PLXNB2: variants seen among roughly 807,000 people sequenced by gnomAD.
PLXNB2 encodes the protein plexin B2, also known as plexin-B2.
A neutral mutation model predicts 202.6 loss-of-function variants in PLXNB2; 85 were observed. The observed-to-expected ratio is 0.42, with a 90% CI of 0.35 to 0.50. The LOEUF (loss-of-function observed/expected upper bound fraction) is 0.50. Among genes scored for constraint, PLXNB2 ranks in the 20% least tolerant of loss-of-function variants. The pLI is 0.02. For missense variants in PLXNB2, 2,063 were observed against 2,586.2 expected, an observed-to-expected ratio of 0.80 and a Z score of 4.39; for synonymous variants, 1,239 against 1,137.6, an observed-to-expected ratio of 1.09 and a Z score of -1.79.
In PLXNB2 at chr22:50,305,985, T is replaced by TG. The variant is rs201118739; in HGVS notation, c.-74+1567dup. 7.9e-3 allele frequency among the ~76,000 whole-genome samples: 1,200 copies of TG among 152,294 alleles called. 12 individuals are homozygous for TG. The highest frequency in any genetic ancestry group is 0.02 in the Middle Eastern group (6 of 294). On this transcript the variant is annotated intron_variant, in intron 1 of 36. Coordinates refer to ENST00000359337, the MANE Select transcript of PLXNB2 (RefSeq NM_012401.4). ...CAGTCTGGGCAGCTGCAGTAGAAAG[T>TG]GGCAGAGCTGCCCGGACTTGCCCGT...
intron 33 of PLXNB2, 41 bp downstream of exon 33, chr22:50,277,550 C>A (rs1327915724): frequency 6.6e-7 from 1 of 1,526,056 alleles, no homozygotes; most frequent in African/African-American, 1.4e-5. Context: ...TGGGGACAGA[C>A]CCAGGCCTCC....
Position 50,302,430 on chromosome 22 carries a change from G to A in PLXNB2, c.-74+5123C>T, listed in dbSNP as rs921951791. Among the ~76,000 whole-genome samples the A allele has an allele frequency of 1.3e-4, 20 of 152,150 alleles. No individual in the cohort carries two copies. The East Asian group carries it at 2.7e-3, about 21-fold the overall frequency. ...CCAGGTCCAGCCCCTTGCTCCACGC[G>A]GAGGCTTGCTCTGCTCATGGTGGAG... On this transcript the variant is annotated intron_variant, in intron 1 of 36. Transcript: ENST00000359337.
In PLXNB2 at chr22:50,290,008, T is replaced by C. The variant is rs1248287051; in HGVS notation, c.577A>G (p.Ser193Gly). The part of the protein sequence containing the change: ...VSTRLLDRTD[S>G]REAFEAYTDH... ...GTGTAGGCTTCAAAGGCCTCCCTGC[T>C]GTCAGTCCGGTCCAACAGCCGAGTG... Residue 193 changes from serine to glycine, a missense_variant, in exon 3 of 37, where the codon AGC (serine) becomes GGC (glycine). Physicochemically the swap from Ser to Gly is moderately conservative, Grantham distance 56. This residue lies in a region of PLXNB2 where 1,303 missense variants were observed against 1,476.8 expected (regional missense o/e 0.88). Transcript: ENST00000359337. 5.0e-6 allele frequency: 8 copies of C among 1,613,294 alleles called. No individual in the cohort carries two copies. Among genetic ancestry groups the C allele is most frequent in the Non-Finnish European group, 6.8e-6 (8 of 1,180,022 alleles).
In PLXNB2 at chr22:50,284,657, G is replaced by A. The variant is rs751396183; in HGVS notation, c.2097C>T (p.Ser699=). 1 of 1,612,268 alleles carries A rather than the reference G, an allele frequency of 6.2e-7. No individual in the cohort carries two copies. Among genetic ancestry groups the A allele is most frequent in the African/African-American group, 1.3e-5 (1 of 74,816 alleles). Reference sequence around the variant, plus strand: ...TGAGCAAGTCACTGCCCACGTGCAGGGAGGAACCCTGCAGACCATGCCGTC... The same window carrying A: ...TGAGCAAGTCACTGCCCACGTGCAGAGAGGAACCCTGCAGACCATGCCGTC... The part of the protein sequence containing the change: ...GKNLDTVKGS[S]LHVGSDLLKF... The change falls in exon 12 of 37, where the codon TCC becomes TCT. Residue 699 remains serine, a synonymous_variant. Transcript: ENST00000359337. This position sits in a 1 kb window ranked among gnomAD's most constrained non-coding sequence, Gnocchi z 8.0.
chr22:50,276,167 T>C (rs921404536), intron 35 of PLXNB2, among the ~76,000 whole-genome samples: 1 of 151,488 alleles, frequency 6.6e-6, no homozygotes, highest in Non-Finnish European at 1.5e-5. Flanking sequence ...ACCATCTCAG[T>C]GTCTCCCTGT....
In PLXNB2 at chr22:50,283,302, C is replaced by T. The variant is rs756075585; in HGVS notation, c.2679+35G>A. On this transcript the variant is annotated intron_variant, in intron 16 of 36. Transcript: ENST00000359337. Reference sequence around the variant, plus strand: ...GGCAGAGCCCCTCCTCCCGGTCCTCCCGGGTTCGGCAGGTCCCCGAGGCCG... The same window carrying T: ...GGCAGAGCCCCTCCTCCCGGTCCTCTCGGGTTCGGCAGGTCCCCGAGGCCG... 6 of 1,610,356 alleles carry T rather than the reference C, an allele frequency of 3.7e-6. No individual in the cohort carries two copies. In the South Asian group the frequency reaches 5.5e-5, roughly 15 times the overall value.
At chr22:50,295,356 T>C (rs1319707088) in intron 1 of PLXNB2, among the ~76,000 whole-genome samples, 2 of 150,190 alleles carry the variant, frequency 1.3e-5, no homozygotes, top group Non-Finnish European at 3.0e-5. Flanking sequence ...CGCACACCCA[T>C]GACCCTGAAA....
intron 1 of PLXNB2, 27 bp downstream of exon 1, chr22:50,307,526 C>G: frequency 1.0e-6 from 1 of 977,150 alleles, no homozygotes; most frequent in Non-Finnish European, 1.2e-6. Context: ...AGACGTCCCC[C>G]GCAGCCCAGT....
At position 50,297,249 on chromosome 22, in the gene PLXNB2, C is replaced by G. The variant is rs2067346052; in HGVS notation, c.-73-2471G>C. Among the ~76,000 whole-genome samples the G allele has an allele frequency of 6.6e-6, 1 of 152,174 alleles. No homozygotes were observed. The highest frequency in any genetic ancestry group is 2.1e-4 in the South Asian group (1 of 4,830). On this transcript the variant is annotated intron_variant, in intron 1 of 36. Transcript: ENST00000359337. The surrounding 1 kb of genome is among the most constrained non-coding windows in gnomAD (Gnocchi z 5.3). ...CCCCATGCCCACTCCCTGCAGCACA[C>G]CCCCAGGCTCCAGCCTCCACGGGCC...
Position 50,282,164 on chromosome 22 carries a change from G to A in PLXNB2, c.3117+20C>T, listed in dbSNP as rs1165571218. Reference sequence around the variant, plus strand: ...GATCCCATGGGCCGGTGCCAGAGCTGAGCCCACGCCAGGACTGACCGTCAT... The same window carrying A: ...GATCCCATGGGCCGGTGCCAGAGCTAAGCCCACGCCAGGACTGACCGTCAT... On this transcript the variant is annotated intron_variant, in intron 19 of 36. Transcript: ENST00000359337. 9.3e-6 allele frequency: 15 copies of A among 1,605,524 alleles called. No individual in the cohort carries two copies. The highest frequency in any genetic ancestry group is 1.2e-5 in the Non-Finnish European group (14 of 1,176,588).
chr22:50,294,761 G>C lies in PLXNB2; in HGVS notation c.-56C>G. 1.0e-6 allele frequency: 1 copy of C among 985,586 alleles called. No homozygotes were observed. Among genetic ancestry groups the C allele is most frequent in the Non-Finnish European group, 1.2e-6 (1 of 830,042 alleles). The allele number at this position is 985,586 out of a possible 1,614,324, so 61.1% of individuals were successfully genotyped here. The stretch of plus-strand genomic sequence containing the variant: ...GTGGTCCAGCTCAGTTTCTGCTCCA[G>C]GCCAGCATCGAGATTCTCTAGGAGG... On this transcript the variant is annotated 5_prime_UTR_variant, in exon 2 of 37. Coordinates refer to ENST00000359337, the MANE Select transcript of PLXNB2 (RefSeq NM_012401.4).
Position 50,279,991 on chromosome 22 carries a change from G to A in PLXNB2, c.4242+14C>T, listed in dbSNP as rs2065876682. 6.3e-7 allele frequency: 1 copy of A among 1,591,010 alleles called. No homozygotes were observed. The stretch of plus-strand genomic sequence containing the variant: ...TCATCCCTCAAGCCCCAGCCAGGCT[G>A]GGGTGGAACCCACCTTGAGGTACTG... On this transcript the variant is annotated intron_variant, in intron 26 of 36. Transcript: ENST00000359337.
In PLXNB2 at chr22:50,288,364, G is replaced by A. The variant is rs2147506960; in HGVS notation, c.1381-327C>T. On this transcript the variant is annotated intron_variant, in intron 5 of 36. Transcript: ENST00000359337. This position sits in a 1 kb window ranked among gnomAD's most constrained non-coding sequence, Gnocchi z 5.0. ...TAACCCCCCACAAGCTTGGGGCCCAGGCCCATGTTCTCCACTGACTGAGCT... is the reference window on the plus strand; with the variant it reads ...TAACCCCCCACAAGCTTGGGGCCCAAGCCCATGTTCTCCACTGACTGAGCT... Among the ~76,000 whole-genome samples the A allele has an allele frequency of 6.6e-6, 1 of 152,216 alleles. No individual in the cohort carries two copies. The highest frequency in any genetic ancestry group is 2.1e-4 in the South Asian group (1 of 4,822).
rs1369537236 is a variant in PLXNB2, at chr22:50,277,796, C to A, written c.5048+57G>T. 7 of 1,602,544 alleles carry A rather than the reference C, an allele frequency of 4.4e-6. No individual in the cohort carries two copies. The East Asian group carries it at 1.6e-4, about 36-fold the overall frequency. On this transcript the variant is annotated intron_variant, in intron 32 of 36. Coordinates refer to ENST00000359337, the MANE Select transcript of PLXNB2 (RefSeq NM_012401.4). The stretch of plus-strand genomic sequence containing the variant: ...GCTGGGCCGCGGGGTGGGTGTGGAG[C>A]CTCCCAAGTGAGAGGCGGAGCCGGG...
intron 1 of PLXNB2, among the ~76,000 whole-genome samples, chr22:50,295,213 C>T (rs935069790): frequency 1.9e-4 from 29 of 149,180 alleles, no homozygotes; most frequent in Non-Finnish European, 4.4e-5. Flanking sequence ...CCCAGCTACT[C>T]GGGAGGCTGA....
chr22:50,283,523 C>G lies in PLXNB2; in HGVS notation c.2571-78G>C, dbSNP rs2066180127. 9.0e-6 allele frequency: 14 copies of G among 1,558,584 alleles called. No individual in the cohort carries two copies. In the Admixed American group the frequency reaches 2.5e-4, roughly 28 times the overall value. ...CTGACACCCTCACCCCCTCAGCCTC[C>G]CCACCCACCCAGTCACCCGGAACCC... is the stretch of plus-strand genomic sequence containing the variant. On this transcript the variant is annotated intron_variant, in intron 15 of 36. Transcript: ENST00000359337.
chr22:50,291,831 T>G lies in PLXNB2; in HGVS notation c.-13-1234A>C, dbSNP rs971768045. On this transcript the variant is annotated intron_variant, in intron 2 of 36. Transcript: ENST00000359337. The surrounding 1 kb of genome is among the most constrained non-coding windows in gnomAD (Gnocchi z 4.3). ...TGCACCAGTACGGGGGGCTCCCAGG[T>G]GTCCAGGGCAGCCCTGCCATGGCAG... 5.3e-5 allele frequency among the ~76,000 whole-genome samples: 8 copies of G among 152,026 alleles called. No individual in the cohort carries two copies. The highest frequency in any genetic ancestry group is 2.6e-4 in the Admixed American group (4 of 15,276).
Position 50,288,129 on chromosome 22 carries a change from G to T in PLXNB2, c.1381-92C>A. On this transcript the variant is annotated intron_variant, in intron 5 of 36. Coordinates refer to ENST00000359337, the MANE Select transcript of PLXNB2 (RefSeq NM_012401.4). The surrounding 1 kb of genome is among the most constrained non-coding windows in gnomAD (Gnocchi z 5.0). ...GTCCCCAGACCGCCAGCTTGACCCA[G>T]CTCTGTCCCGGGGCCTCGGGAGCCT... The T allele has an allele frequency of 2.1e-6, 2 of 973,742 alleles. No homozygotes were observed. Among genetic ancestry groups the T allele is most frequent in the Non-Finnish European group, 3.1e-6 (2 of 641,766 alleles). The allele number at this position is 973,742 out of a possible 1,614,324, so 60.3% of individuals were successfully genotyped here.
At chr22:50,304,956 T>C (rs898388813) in intron 1 of PLXNB2, among the ~76,000 whole-genome samples, 3 of 152,176 alleles carry the variant, frequency 2.0e-5, no homozygotes, top group Admixed American at 1.3e-4. Context: ...CCCCGCCAAC[T>C]TCCAAGGAGG....
Sources: allele counts gnomAD v4.1 joint callset (sites outside exome capture counted in the v4.1 genomes callset), GRCh38; gene constraint gnomAD v4.1.1; regional missense constraint gnomAD v4.1.1; non-coding constraint Gnocchi (gnomAD v3.1); transcripts MANE v1.5; gene names NCBI Gene and HGNC (gene_info 2026-07-23, HGNC 2026-07-21).